C1GALT1C1L: variants seen among roughly 807,000 people sequenced by gnomAD.
C1GALT1C1L encodes C1GALT1 specific chaperone 1 like, also known as C1GALT1-specific chaperone 1-like protein.
C1GALT1C1L carries 1 observed loss-of-function variant against 0.5 expected under a neutral mutation model. The observed-to-expected ratio is 2.11, with a 90% CI of 0.75 to 10.02. The LOEUF is 10.02. C1GALT1C1L is among the 30% of genes most tolerant of loss of function. C1GALT1C1L has a pLI of 0.13. For synonymous variants in C1GALT1C1L, 148 were observed against 132.6 expected, an observed-to-expected ratio of 1.12 and a Z score of -0.80; for missense variants, 444 against 375.5, an observed-to-expected ratio of 1.18 and a Z score of -1.51.
Position 43,676,406 on chromosome 2 carries a change from C to CTGCGCTCCCGGT in C1GALT1C1L, c.-96_-85dup. The CTGCGCTCCCGGT allele has an allele frequency of 8.6e-7, 1 of 1,157,292 alleles. No individual in the cohort carries two copies. The highest frequency in any genetic ancestry group is 1.5e-5 in the African/African-American group (1 of 64,554). 71.7% of individuals were successfully genotyped at this position (1,157,292 alleles called of 1,614,324 possible). A position where few individuals can be genotyped will look rare whatever the true frequency, so the allele number is the denominator to read the frequency against. On this transcript the variant is annotated 5_prime_UTR_variant, in exon 1 of 1. Coordinates refer to ENST00000475092, the MANE Select transcript of C1GALT1C1L (RefSeq NM_001101330.3). Reference sequence around the variant, plus strand: ...GTCCCGCGCCTTCCGGAGCTGGCGGCTGCGCTCCCGGTTGGGCCACTCTAG... The same window carrying CTGCGCTCCCGGT: ...GTCCCGCGCCTTCCGGAGCTGGCGGCTGCGCTCCCGGTTGCGCTCCCGGTTGGGCCACTCTAG...
rs369389345 is a variant in C1GALT1C1L at position 43,675,578 on chromosome 2, C to G, written c.745G>C (p.Ala249Pro). The change falls in exon 1 of 1, where the codon GCA (alanine) becomes CCA (proline). Residue 249 changes from alanine (A) to proline (P), a missense_variant. Physicochemically the swap from Ala to Pro is conservative, Grantham distance 27 (BLOSUM62 -1). Transcript: ENST00000475092. ...GACAATGCCTCTTCAATAAGCTGTG[C>G]GATTGGTTTTGTATTAAATACATCT... is the stretch of plus-strand genomic sequence containing the variant. The part of the protein sequence containing the change: ...GRDVFNTKPI[A>P]QLIEEALSNN... The G allele has an allele frequency of 9.9e-6, 16 of 1,613,452 alleles. No homozygotes were observed. Among genetic ancestry groups the G allele is most frequent in the Non-Finnish European group, 1.4e-5 (16 of 1,179,628 alleles).
At position 43,675,924 on chromosome 2, in the gene C1GALT1C1L, G is replaced by C. The variant is rs774712544; in HGVS notation, c.399C>G (p.Asp133Glu). 1.2e-5 allele frequency: 19 copies of C among 1,613,906 alleles called. No individual in the cohort carries two copies. Among genetic ancestry groups the C allele is most frequent in the African/African-American group, 5.3e-5 (4 of 74,912 alleles). Residue 133 changes from aspartate to glutamate, a missense_variant, in exon 1 of 1, where the codon GAC (aspartate) becomes GAG (glutamate). Physicochemically the swap from Asp to Glu is conservative, Grantham distance 45. Coordinates refer to ENST00000475092, the MANE Select transcript of C1GALT1C1L (RefSeq NM_001101330.3). ...GTGCAAGGAAGAACCAGTTGTAGTT[G>C]TCACCATACTTTTCAAAGACGTATT... ...AYKYVFEKYGDNYNWFFLALP... is the reference protein window; with the variant it reads ...AYKYVFEKYGENYNWFFLALP...
Position 43,675,470 on chromosome 2 carries a change from C to G in C1GALT1C1L, c.853G>C (p.Val285Leu). The G allele has an allele frequency of 6.2e-7, 1 of 1,614,016 alleles. No individual in the cohort carries two copies. Among genetic ancestry groups the G allele is most frequent in the South Asian group, 1.1e-5 (1 of 91,070 alleles). Residue 285 changes from valine (V) to leucine (L), a missense_variant, in exon 1 of 1, where the codon GTA becomes CTA. Transcript: ENST00000475092. ...AGCCGGTACAGGCCATACATCATTA[C>G]TTCCATCTTTTGGGGGGTCAGTCCA... ...FNGLTPQKMEVMMYGLYRLRA... is the reference protein window; with the variant it reads ...FNGLTPQKMELMMYGLYRLRA...
At position 43,675,304 on chromosome 2, in the gene C1GALT1C1L, A is replaced by C; in HGVS notation, c.*71T>G. ...AATGAAGTACGTATTTTACACTTACACTGTATCAGAATTTGGACTAGCCAC... is the reference window on the plus strand; with the variant it reads ...AATGAAGTACGTATTTTACACTTACCCTGTATCAGAATTTGGACTAGCCAC... On this transcript the variant is annotated 3_prime_UTR_variant, in exon 1 of 1. Coordinates refer to ENST00000475092, the MANE Select transcript of C1GALT1C1L (RefSeq NM_001101330.3). 1 of 1,004,638 alleles carries C rather than the reference A, an allele frequency of 1.0e-6. No individual in the cohort carries two copies. Among genetic ancestry groups the C allele is most frequent in the Non-Finnish European group, 1.4e-6 (1 of 698,782 alleles). The allele number at this position is 1,004,638 out of a possible 1,614,324, so 62.2% of individuals were successfully genotyped here. A position where few individuals can be genotyped will look rare whatever the true frequency, so the allele number is the denominator to read the frequency against.
In C1GALT1C1L at chr2:43,675,403, A is replaced by G. The variant is rs1667697199; in HGVS notation, c.920T>C (p.Leu307Ser). ...GHYFNDTLVF[L>S]PPVGSEND ...GTCATTTTCTGAACCAACTGGAGGC[A>G]AGAAAACGAGTGTGTCATTGAAATA... Residue 307 changes from leucine to serine, a missense_variant, in exon 1 of 1, where the codon TTG (leucine) becomes TCG (serine). Coordinates refer to ENST00000475092, the MANE Select transcript of C1GALT1C1L (RefSeq NM_001101330.3). The G allele has an allele frequency of 6.2e-7, 1 of 1,600,142 alleles. No individual in the cohort carries two copies. The highest frequency in any genetic ancestry group is 1.1e-5 in the South Asian group (1 of 87,540).
rs777861497 is a variant in C1GALT1C1L, at chr2:43,676,170, G to C, written c.153C>G (p.Asn51Lys). 1 of 1,614,014 alleles carries C rather than the reference G, an allele frequency of 6.2e-7. No individual in the cohort carries two copies. The highest frequency in any genetic ancestry group is 8.5e-7 in the Non-Finnish European group (1 of 1,179,904). Reference protein sequence around the residue: ...EHHHLRPPNRNDFLNTSKVIL... With the variant: ...EHHHLRPPNRKDFLNTSKVIL... ...TCACTTTTGAAGTGTTTAAGAAATC[G>C]TTCCTGTTAGGTGGACGAAGGTGAT... The change falls in exon 1 of 1, where the codon AAC becomes AAG. Residue 51 changes from asparagine to lysine, a missense_variant. By Grantham distance (94) the Asn-to-Lys change is moderately conservative. Coordinates refer to ENST00000475092, the MANE Select transcript of C1GALT1C1L (RefSeq NM_001101330.3).
Position 43,676,222 on chromosome 2 carries a change from C to G in C1GALT1C1L, c.101G>C (p.Arg34Thr), listed in dbSNP as rs367551441. The G allele has an allele frequency of 2.5e-6, 4 of 1,614,006 alleles. No homozygotes were observed. The highest frequency in any genetic ancestry group is 3.4e-6 in the Non-Finnish European group (4 of 1,179,892). Residue 34 changes from arginine to threonine, a missense_variant, in exon 1 of 1, where the codon AGA becomes ACA. Transcript: ENST00000475092. Reference sequence around the variant, plus strand: ...GTGCTCGTGGTCTTGAGTTTGACCTCTGTGTCGAATGTGAATTTGGCCAAA... The same window carrying G: ...GTGCTCGTGGTCTTGAGTTTGACCTGTGTGTCGAATGTGAATTTGGCCAAA... ...TMFGQIHIRHRGQTQDHEHHH... is the reference protein window; with the variant it reads ...TMFGQIHIRHTGQTQDHEHHH...
the C1GALT1C1L span, chr2:43,675,796 AG>A: frequency 6.2e-7 from 1 of 1,613,818 alleles, no homozygotes; most frequent in Non-Finnish European, 8.5e-7. Context: ...CACGTATTCG[AG>A]GTCTCCAAAT....
Position 43,676,346 on chromosome 2 carries a change from C to A in C1GALT1C1L, c.-24G>T. 2 of 1,552,696 alleles carry A rather than the reference C, an allele frequency of 1.3e-6. No individual in the cohort carries two copies. The highest frequency in any genetic ancestry group is 1.2e-5 in the South Asian group (1 of 80,086). ...ATTTTCCAGGCGTTAGGACAGTGTG[C>A]CAGGGTCAAAGGCAGCCTGGGACCG... On this transcript the variant is annotated 5_prime_UTR_variant, in exon 1 of 1. Coordinates refer to ENST00000475092, the MANE Select transcript of C1GALT1C1L (RefSeq NM_001101330.3).
chr2:43,675,805 A>T lies in C1GALT1C1L; in HGVS notation c.518T>A (p.Phe173Tyr). Residue 173 changes from phenylalanine (F) to tyrosine (Y), a missense_variant, in exon 1 of 1, where the codon TTT (phenylalanine) becomes TAT (tyrosine). Transcript: ENST00000475092. The stretch of plus-strand genomic sequence containing the variant: ...CACAGTCACGTATTCGAGGTCTCCA[A>T]ATATAACAGTGTGGCCCAGATAGAA... The part of the protein sequence containing the change: ...QPFYLGHTVI[F>Y]GDLEYVTVEG... The T allele has an allele frequency of 1.9e-6, 3 of 1,613,920 alleles. No homozygotes were observed. Among genetic ancestry groups the T allele is most frequent in the Non-Finnish European group, 2.5e-6 (3 of 1,179,856 alleles).
chr2:43,676,398 G>A lies in C1GALT1C1L; in HGVS notation c.-76C>T, dbSNP rs1667792729. 4 of 1,230,270 alleles carry A rather than the reference G, an allele frequency of 3.3e-6. No individual in the cohort carries two copies. The African/African-American group carries it at 4.5e-5, about 14-fold the overall frequency. 76.2% of individuals were successfully genotyped at this position (1,230,270 alleles called of 1,614,324 possible). A position where few individuals can be genotyped will look rare whatever the true frequency, so the allele number is the denominator to read the frequency against. ...GTCCTGGGGTCCCGCGCCTTCCGGA[G>A]CTGGCGGCTGCGCTCCCGGTTGGGC... On this transcript the variant is annotated 5_prime_UTR_variant, in exon 1 of 1. Transcript: ENST00000475092.
chr2:43,675,590 T>C lies in C1GALT1C1L; in HGVS notation c.733A>G (p.Thr245Ala). 1 of 1,613,724 alleles carries C rather than the reference T, an allele frequency of 6.2e-7. No homozygotes were observed. Among genetic ancestry groups the C allele is most frequent in the Non-Finnish European group, 8.5e-7 (1 of 1,179,740 alleles). ...EDYEGRDVFN[T>A]KPIAQLIEEA... ...TCAATAAGCTGTGCGATTGGTTTTG[T>C]ATTAAATACATCTCTTCCTTCATAA... Residue 245 changes from threonine to alanine, a missense_variant, in exon 1 of 1, where the codon ACA (threonine) becomes GCA (alanine). Transcript: ENST00000475092.
In C1GALT1C1L at chr2:43,675,427, T is replaced by C. The variant is rs1667697994; in HGVS notation, c.896A>G (p.Tyr299Cys). The C allele has an allele frequency of 2.5e-6, 4 of 1,608,702 alleles. No homozygotes were observed. Among genetic ancestry groups the C allele is most frequent in the Middle Eastern group, 1.7e-4 (1 of 6,042 alleles). Residue 299 changes from tyrosine (Y) to cysteine (C), a missense_variant, in exon 1 of 1, where the codon TAT becomes TGT. By Grantham distance (194) the Tyr-to-Cys change is radical (BLOSUM62 -2). Coordinates refer to ENST00000475092, the MANE Select transcript of C1GALT1C1L (RefSeq NM_001101330.3). ...GLYRLRAFGHYFNDTLVFLPP... is the reference protein window; with the variant it reads ...GLYRLRAFGHCFNDTLVFLPP... ...CAAGAAAACGAGTGTGTCATTGAAA[T>C]AGTGTCCAAATGCCCTGAGCCGGTA...
chr2:43,675,805 A>G lies in C1GALT1C1L; in HGVS notation c.518T>C (p.Phe173Ser), dbSNP rs747787122. The change falls in exon 1 of 1, where the codon TTT becomes TCT. Residue 173 changes from phenylalanine to serine, a missense_variant. Physicochemically the swap from Phe to Ser is radical, Grantham distance 155. Coordinates refer to ENST00000475092, the MANE Select transcript of C1GALT1C1L (RefSeq NM_001101330.3). ...CACAGTCACGTATTCGAGGTCTCCA[A>G]ATATAACAGTGTGGCCCAGATAGAA... ...QPFYLGHTVI[F>S]GDLEYVTVEG... 5.0e-6 allele frequency: 8 copies of G among 1,613,802 alleles called. No individual in the cohort carries two copies. The highest frequency in any genetic ancestry group is 2.2e-5 in the East Asian group (1 of 44,876).
chr2:43,676,156 G>A lies in C1GALT1C1L; in HGVS notation c.167C>T (p.Thr56Ile), dbSNP rs1437881063. ...RPPNRNDFLN[T>I]SKVILLELSK... Reference sequence around the variant, plus strand: ...GAGCTCCAAGAGTATCACTTTTGAAGTGTTTAAGAAATCGTTCCTGTTAGG... The same window carrying A: ...GAGCTCCAAGAGTATCACTTTTGAAATGTTTAAGAAATCGTTCCTGTTAGG... The change falls in exon 1 of 1, where the codon ACT becomes ATT. Residue 56 changes from threonine to isoleucine, a missense_variant. Thr to Ile is a moderately conservative substitution (Grantham distance 89, BLOSUM62 -1). Coordinates refer to ENST00000475092, the MANE Select transcript of C1GALT1C1L (RefSeq NM_001101330.3). 6.2e-7 allele frequency: 1 copy of A among 1,614,030 alleles called. No individual in the cohort carries two copies.
In C1GALT1C1L at chr2:43,676,107, A is replaced by G; in HGVS notation, c.216T>C (p.Cys72=). The change falls in exon 1 of 1, where the codon TGT becomes TGC. Residue 72 remains cysteine (C), a synonymous_variant. Coordinates refer to ENST00000475092, the MANE Select transcript of C1GALT1C1L (RefSeq NM_001101330.3). ...LELSKSIRVF[C]IIFGESEDES... is the part of the protein sequence containing the mutation. ...CATCTTCGGATTCTCCAAAGATGAT[A>G]CAGAAAACACGAATACTTTTACTGA... is the stretch of plus-strand genomic sequence containing the variant. 2 of 1,613,948 alleles carry G rather than the reference A, an allele frequency of 1.2e-6. No individual in the cohort carries two copies. Among genetic ancestry groups the G allele is most frequent in the Non-Finnish European group, 1.7e-6 (2 of 1,179,846 alleles).
In C1GALT1C1L at chr2:43,675,466, A is replaced by G; in HGVS notation, c.857T>C (p.Met286Thr). The change falls in exon 1 of 1, where the codon ATG (methionine) becomes ACG (threonine). Residue 286 changes from methionine to threonine, a missense_variant. Transcript: ENST00000475092. ...NGLTPQKMEV[M>T]MYGLYRLRAF... ...CCTGAGCCGGTACAGGCCATACATCATTACTTCCATCTTTTGGGGGGTCAG... is the reference window on the plus strand; with the variant it reads ...CCTGAGCCGGTACAGGCCATACATCGTTACTTCCATCTTTTGGGGGGTCAG... The G allele has an allele frequency of 6.2e-7, 1 of 1,613,944 alleles. No individual in the cohort carries two copies. Among genetic ancestry groups the G allele is most frequent in the Non-Finnish European group, 8.5e-7 (1 of 1,179,872 alleles).
At position 43,675,855 on chromosome 2, in the gene C1GALT1C1L, C is replaced by G. The variant is rs756598739; in HGVS notation, c.468G>C (p.Leu156Phe). 1.9e-6 allele frequency: 3 copies of G among 1,613,920 alleles called. No individual in the cohort carries two copies. Among genetic ancestry groups the G allele is most frequent in the African/African-American group, 2.7e-5 (2 of 74,928 alleles). Residue 156 changes from leucine to phenylalanine, a missense_variant, in exon 1 of 1, where the codon TTG (leucine) becomes TTC (phenylalanine). By Grantham distance (22) the Leu-to-Phe change is conservative. Coordinates refer to ENST00000475092, the MANE Select transcript of C1GALT1C1L (RefSeq NM_001101330.3). ...AGGGCTGGGATGCATCCCTTGTAAACAAAAGGTACTTTAAATTTTCAATGA... is the reference window on the plus strand; with the variant it reads ...AGGGCTGGGATGCATCCCTTGTAAAGAAAAGGTACTTTAAATTTTCAATGA... ...FAVIENLKYL[L>F]FTRDASQPFY...
the C1GALT1C1L span, chr2:43,676,074 G>C: frequency 3.7e-6 from 6 of 1,613,880 alleles, no homozygotes; most frequent in South Asian, 6.6e-5. Context: ...GTACAGCCCA[G>C]TAACTCTCAT....
Sources: gnomAD v4.1 joint callset for allele counts on GRCh38, gnomAD v4.1.1 for gene constraint, MANE v1.5 for transcripts, NCBI Gene and HGNC (gene_info 2026-07-23, HGNC 2026-07-21) for gene names.